IL27RA: variants seen among roughly 807,000 people sequenced by gnomAD.
IL27RA encodes interleukin 27 receptor subunit alpha.
A neutral mutation model predicts 80.8 loss-of-function variants in IL27RA; 61 were observed. That is an observed-to-expected ratio of 0.76 (90% CI 0.61 to 0.93). The LOEUF is 0.93. IL27RA is among the 40% of genes least tolerant of loss of function. The pLI is 0.00. For synonymous variants in IL27RA, 316 were observed against 332.5 expected (o/e 0.95, Z 0.54); for missense variants, 735 against 808.1 (o/e 0.91, Z 1.10).
intron 11 of IL27RA, among the ~76,000 whole-genome samples, 175 bp from the exon 12 acceptor site, chr19:14,051,432 C>CCGCTGGGAT (rs143534029): frequency 0.028 from 4,285 of 151,892 alleles, 210 homozygotes; most frequent in African/African-American, 0.098. Context: ...GTAATCCCAG[C>CCGCTGGGAT]TACTTGGGAG....
rs565629417 is a variant in IL27RA, at chr19:14,032,344, G to A, written c.101-42G>A. The A allele has an allele frequency of 4.8e-6, 7 of 1,448,992 alleles. No homozygotes were observed. The Admixed American group carries it at 5.3e-5, about 11-fold the overall frequency. The allele number at this position is 1,448,992 out of a possible 1,614,324, so 89.8% of individuals were successfully genotyped here. ...CTGGGGTGTGCAGGCGGAAGGGGGG[G>A]ATTCGACCCCCTTTCCTGAGACCCT... On this transcript the variant is annotated intron_variant, in intron 1 of 13. Coordinates refer to ENST00000263379, the MANE Select transcript of IL27RA (RefSeq NM_004843.4).
chr19:14,048,358 A>G (rs1246843172), intron 8 of IL27RA, among the ~76,000 whole-genome samples: 1 of 152,210 alleles, frequency 6.6e-6, no homozygotes, highest in Non-Finnish European at 1.5e-5. Flanking sequence ...ACACAGTCCC[A>G]AGACCCACAA....
In IL27RA at chr19:14,052,219, G is replaced by A; in HGVS notation, c.1840G>A (p.Glu614Lys). 6.3e-7 allele frequency: 1 copy of A among 1,599,288 alleles called. No individual in the cohort carries two copies. The highest frequency in any genetic ancestry group is 1.7e-4 in the Middle Eastern group (1 of 5,930). ...CACCGCCCCGCTTGACTCTGGGTAT[G>A]AGAAGCACTTCCTGCCCACACCTGA... ...QATAPLDSGY[E>K]KHFLPTPEEL... The change falls in exon 14 of 14, where the codon GAG (glutamate) becomes AAG (lysine). Residue 614 changes from glutamate (E) to lysine (K), a missense_variant. Transcript: ENST00000263379.
intron 8 of IL27RA, among the ~76,000 whole-genome samples, chr19:14,048,457 G>T (rs1452285736): frequency 6.6e-6 from 1 of 152,140 alleles, no homozygotes; most frequent in South Asian, 2.1e-4. Context: ...TTAGGGGAGA[G>T]AGTGCAGCAC....
intron 6 of IL27RA, among the ~76,000 whole-genome samples, chr19:14,044,790 A>G (rs1462959880): frequency 6.6e-6 from 1 of 151,654 alleles, no homozygotes; most frequent in Non-Finnish European, 1.5e-5. Flanking sequence ...GTTCGAGACC[A>G]GCCTGGGCAA....
At chr19:14,051,541 CAAAAATAAAAATA>C in intron 11 of IL27RA, 53 bp from the exon 12 acceptor site, 1 of 973,044 alleles carries the variant, frequency 1.0e-6, no homozygotes, top group South Asian at 2.7e-5. Flanking sequence ...GACTCTGTCT[CAAAAATAAAAATA>C]AAAAATAAAA....
chr19:14,049,407 GGCCCA>G (rs1311860438), intron 10 of IL27RA, 93 bp downstream of exon 10: 1 of 1,348,762 alleles, frequency 7.4e-7, no homozygotes, highest in Non-Finnish European at 1.0e-6. Flanking sequence ...GGGCCTCTTT[GGCCCA>G]GGGACCATAC....
At chr19:14,045,893 C>T (rs543697342) in intron 6 of IL27RA, among the ~76,000 whole-genome samples, 3 of 152,026 alleles carry the variant, frequency 2.0e-5, no homozygotes, top group African/African-American at 7.2e-5. Flanking sequence ...GGCGTGATGG[C>T]AGGCGCCTGT....
In IL27RA at chr19:14,046,179, G is replaced by A. The variant is rs763571022; in HGVS notation, c.794G>A (p.Ser265Asn). The change falls in exon 7 of 14, where the codon AGC becomes AAC. Residue 265 changes from serine (S) to asparagine (N), a missense_variant. Physicochemically the swap from Ser to Asn is conservative, Grantham distance 46. Coordinates refer to ENST00000263379, the MANE Select transcript of IL27RA (RefSeq NM_004843.4). ...GCCCCAGGGCCCTGTGTGCAGGTGA[G>A]CTACAAAGTCTGGTTCTGGGTTGGA... ...WKAPGPCVQV[S>N]YKVWFWVGGR... is the part of the protein sequence containing the mutation. The A allele has an allele frequency of 1.2e-6, 2 of 1,614,206 alleles. No homozygotes were observed. Among genetic ancestry groups the A allele is most frequent in the Non-Finnish European group, 1.7e-6 (2 of 1,180,032 alleles).
At chr19:14,040,918 T>C (rs1394827706) in intron 4 of IL27RA, among the ~76,000 whole-genome samples, 1 of 151,694 alleles carries the variant, frequency 6.6e-6, no homozygotes, top group Non-Finnish European at 1.5e-5. Context: ...TTTTTTTTTT[T>C]TGAGATGGCG....
chr19:14,037,174 CAT>C (rs1469328064), intron 2 of IL27RA, among the ~76,000 whole-genome samples: 1 of 151,876 alleles, frequency 6.6e-6, no homozygotes, highest in Non-Finnish European at 1.5e-5. Context: ...GGACACATTC[CAT>C]ATATTGGCTG....
rs1344032913 is a variant in IL27RA at position 14,051,590 on chromosome 19, C to T, written c.1529-17C>T. The T allele has an allele frequency of 7.0e-7, 1 of 1,420,332 alleles. No homozygotes were observed. Among genetic ancestry groups the T allele is most frequent in the Non-Finnish European group, 9.7e-7 (1 of 1,029,870 alleles). The allele number at this position is 1,420,332 out of a possible 1,614,324, so 88.0% of individuals were successfully genotyped here. A position where few individuals can be genotyped will look rare whatever the true frequency, so the allele number is the denominator to read the frequency against. On this transcript the variant is annotated splice_polypyrimidine_tract_variant and intron_variant, in intron 11 of 13. Coordinates refer to ENST00000263379, the MANE Select transcript of IL27RA (RefSeq NM_004843.4). ...TAAAATAAAAAATTAAGAATGATCT[C>T]TTCCCTACCCTACCAGATAACACCC...
At position 14,049,230 on chromosome 19, in the gene IL27RA, G is replaced by A; in HGVS notation, c.1318G>A (p.Val440Ile). The A allele has an allele frequency of 6.2e-7, 1 of 1,614,120 alleles. No individual in the cohort carries two copies. Among genetic ancestry groups the A allele is most frequent in the Admixed American group, 1.7e-5 (1 of 60,002 alleles). ...PGTPAIAWGE[V>I]PRHQLRGHLT... ...GACCCCCGCCATAGCGTGGGGAGAG[G>A]TCCCAAGGCACCAGCTTCGAGGCCA... is the stretch of plus-strand genomic sequence containing the variant. Residue 440 changes from valine (V) to isoleucine (I), a missense_variant, in exon 10 of 14, where the codon GTC becomes ATC. By Grantham distance (29) the Val-to-Ile change is conservative (BLOSUM62 3). Coordinates refer to ENST00000263379, the MANE Select transcript of IL27RA (RefSeq NM_004843.4).
At chr19:14,044,722 A>C (rs966578866) in intron 6 of IL27RA, among the ~76,000 whole-genome samples, 2 of 151,902 alleles carry the variant, frequency 1.3e-5, no homozygotes, top group Admixed American at 6.6e-5. Context: ...TGGGTGGCTC[A>C]TACCTGTAAT....
At chr19:14,043,676 G>T (rs562741513) in intron 6 of IL27RA, among the ~76,000 whole-genome samples, 2 of 151,134 alleles carry the variant, frequency 1.3e-5, no homozygotes, top group Non-Finnish European at 2.9e-5. Context: ...CAGCCACCTC[G>T]GCCTCCCAAA....
chr19:14,040,989 C>T (rs1359250452), intron 4 of IL27RA, among the ~76,000 whole-genome samples: 2 of 151,250 alleles, frequency 1.3e-5, no homozygotes, highest in Admixed American at 6.6e-5. Flanking sequence ...CTGTAACCTC[C>T]ACCATCTAGG....
At chr19:14,049,358 G>T (rs1976123766) in intron 10 of IL27RA, 44 bp downstream of exon 10, 1 of 1,586,342 alleles carries the variant, frequency 6.3e-7, no homozygotes. Flanking sequence ...GCCCCCACAA[G>T]ACCCACCCAT....
At position 14,042,433 on chromosome 19, in the gene IL27RA, C is replaced by A. The variant is rs767368585; in HGVS notation, c.535-20C>A. 1 of 1,611,384 alleles carries A rather than the reference C, an allele frequency of 6.2e-7. No homozygotes were observed. The highest frequency in any genetic ancestry group is 1.1e-5 in the South Asian group (1 of 91,008). On this transcript the variant is annotated intron_variant, in intron 4 of 13. Coordinates refer to ENST00000263379, the MANE Select transcript of IL27RA (RefSeq NM_004843.4). The stretch of plus-strand genomic sequence containing the variant: ...TGACTCAGGCCCTGGGCCCATCACG[C>A]TCGCCTGTCTCTCCCCCAGCTGGAA...
chr19:14,034,753 C>T (rs1211563389), intron 2 of IL27RA, among the ~76,000 whole-genome samples: 2 of 151,346 alleles, frequency 1.3e-5, no homozygotes, highest in African/African-American at 4.9e-5. Flanking sequence ...GAGATCGAGA[C>T]CATCCTGGCT....
Sources: allele counts gnomAD v4.1 joint callset (sites outside exome capture counted in the v4.1 genomes callset), GRCh38; gene constraint gnomAD v4.1.1; transcripts MANE v1.5; gene names NCBI Gene and HGNC (gene_info 2026-07-23, HGNC 2026-07-21).